DMD: variants seen among roughly 807,000 people sequenced by gnomAD.
DMD encodes dystrophin, also known as mutant dystrophin.
DMD carries 63 observed loss-of-function variants against 330.1 expected under a neutral mutation model. The ratio of observed to expected loss-of-function variants is 0.19; its 90% confidence interval spans 0.16 to 0.24. The LOEUF is 0.24. Ranked by LOEUF, DMD falls within the 10% of genes least tolerant of loss-of-function variation. The pLI, the probability that DMD is intolerant of heterozygous loss-of-function variation, is 1.00. For missense variants in DMD, 3,344 were observed against 2,684.1 expected, an observed-to-expected ratio of 1.25 and a Z score of -5.43; for synonymous variants, 1,223 against 959.8, an observed-to-expected ratio of 1.27 and a Z score of -5.07.
intron 41 of DMD, among the ~76,000 whole-genome samples, chrX:32,325,175 CTAAACTA>C (rs2097644689): frequency 9.0e-6 from 1 of 110,685 alleles, no homozygotes; most frequent in Admixed American, 9.7e-5. Context: ...ATATCTAAGA[CTAAACTA>C]TAGACTTTTT....
At chrX:33,075,393 C>G (rs1343503255) in intron 1 of DMD, among the ~76,000 whole-genome samples, 1 of 111,853 alleles carries the variant, frequency 8.9e-6, no homozygotes, top group African/African-American at 3.3e-5. Context: ...AATAGTAAAA[C>G]TCTGATCTTC....
chrX:31,821,386 C>A (rs189558604), intron 49 of DMD, among the ~76,000 whole-genome samples: 382 of 112,275 alleles, frequency 3.4e-3, no homozygotes, highest in African/African-American at 0.012. Context: ...TCTATTACAC[C>A]TAATCAGTTA....
chrX:32,368,157 C>G (rs991239712), intron 34 of DMD, among the ~76,000 whole-genome samples: 1 of 111,546 alleles, frequency 9.0e-6, no homozygotes, highest in African/African-American at 3.3e-5. Context: ...TACTAATTGA[C>G]CAATGTATAT....
chrX:32,983,730 T>C (rs2092771160), intron 2 of DMD, among the ~76,000 whole-genome samples: 1 of 111,810 alleles, frequency 8.9e-6, no homozygotes, highest in African/African-American at 3.2e-5. Context: ...TTATTAACTG[T>C]ATATGTATCT....
intron 60 of DMD, among the ~76,000 whole-genome samples, chrX:31,426,134 T>A (rs1462875487): frequency 9.1e-6 from 1 of 109,876 alleles, no homozygotes; most frequent in Non-Finnish European, 1.9e-5. Flanking sequence ...ATGTCTCTAT[T>A]ATTTCTAATG....
chrX:33,122,816 C>G (rs1259820590), intron 1 of DMD, among the ~76,000 whole-genome samples: 1 of 111,761 alleles, frequency 8.9e-6, no homozygotes, highest in Non-Finnish European at 1.9e-5. Flanking sequence ...TTCTCTCCCT[C>G]TCTCAACTGT....
At chrX:31,239,182 G>A (rs1190830675) in intron 63 of DMD, among the ~76,000 whole-genome samples, 2 of 111,600 alleles carry the variant, frequency 1.8e-5, no homozygotes, top group Non-Finnish European at 3.8e-5. Context: ...AACAGAGCCC[G>A]AGGGTAAGTT....
intron 44 of DMD, among the ~76,000 whole-genome samples, chrX:31,991,788 A>G (rs925439402): frequency 5.5e-5 from 6 of 109,705 alleles, no homozygotes; most frequent in Non-Finnish European, 1.1e-4. Context: ...GAAGGGGAAT[A>G]TCGCAGTGGT....
In DMD at chrX:32,802,866, C is replaced by T. The variant is rs1303231673; in HGVS notation, c.649+6627G>A. Among the ~76,000 whole-genome samples the T allele has an allele frequency of 5.4e-5, 6 of 111,654 alleles. No individual in the cohort carries two copies. In the South Asian group the frequency reaches 1.5e-3, roughly 28 times the overall value. On this transcript the variant is annotated intron_variant, in intron 7 of 78. Coordinates refer to ENST00000357033, the MANE Select transcript of DMD (RefSeq NM_004006.3). Reference sequence around the variant, plus strand: ...AACCTTTTTGATGTGCTGCTGGATTCGGTTTGCCAGTATTTTATTGAGCCT... The same window carrying T: ...AACCTTTTTGATGTGCTGCTGGATTTGGTTTGCCAGTATTTTATTGAGCCT...
At chrX:32,492,762 A>G (rs1234008761) in intron 19 of DMD, among the ~76,000 whole-genome samples, 1 of 112,438 alleles carries the variant, frequency 8.9e-6, no homozygotes, top group African/African-American at 3.2e-5. Flanking sequence ...AATATATTAC[A>G]TATGATATCA....
At chrX:32,817,068 G>A (rs72470526) in intron 5 of DMD, among the ~76,000 whole-genome samples, 3,580 of 111,695 alleles carry the variant, frequency 0.032, 35 homozygotes, top group Non-Finnish European at 0.039. Flanking sequence ...TTCAAATTTT[G>A]CCTTTGCTAT....
At chrX:32,418,091 T>C (rs1030523482) in intron 29 of DMD, among the ~76,000 whole-genome samples, 1 of 111,339 alleles carries the variant, frequency 9.0e-6, no homozygotes, top group African/African-American at 3.3e-5. Context: ...AATATGACAT[T>C]GAGATTTTAA....
chrX:32,293,908 G>A (rs1220950566), intron 42 of DMD, among the ~76,000 whole-genome samples: 3 of 111,540 alleles, frequency 2.7e-5, no homozygotes, highest in South Asian at 3.8e-4. Flanking sequence ...GAACTCAAGC[G>A]TATCTCTAGT....
At chrX:31,215,090 C>T (rs1465526820) in intron 64 of DMD, among the ~76,000 whole-genome samples, 4 of 106,404 alleles carry the variant, frequency 3.8e-5, no homozygotes, top group Admixed American at 1.0e-4. Flanking sequence ...TACAGTCGCT[C>T]GCCATCACGC....
intron 3 of DMD, among the ~76,000 whole-genome samples, chrX:32,848,695 A>C (rs1036038668): frequency 3.6e-5 from 4 of 111,340 alleles, no homozygotes; most frequent in African/African-American, 1.3e-4. Flanking sequence ...ACAAGACAAA[A>C]ATGGGCCTTC....
rs1158474339 is a variant in DMD at position 32,287,521 on chromosome X, T to C, written c.6290+8A>G. 1 of 1,207,033 alleles carries C rather than the reference T, an allele frequency of 8.3e-7. No individual in the cohort carries two copies. On this transcript the variant is annotated splice_region_variant and intron_variant, in intron 43 of 78. Transcript: ENST00000357033. ...GCAAGTATCAAGAAAAATATATGTG[T>C]TACCTACCCTTGTCGGTCCTTGTAC...
rs2093586851 is a variant in DMD at position 33,009,644 on chromosome X, A to ATATGTGTG, written c.93+10487_93+10494dup. ...TGTATGTGTGTATGTGTATATACAC[A>ATATGTGTG]TATGTGTGTATACGTGTATATGTGT... On this transcript the variant is annotated intron_variant, in intron 2 of 78. Transcript: ENST00000357033. Among the ~76,000 whole-genome samples the ATATGTGTG allele has an allele frequency of 6.8e-4, 40 of 59,245 alleles. 20 individuals carry two copies. The highest frequency in any genetic ancestry group is 6.0e-3 in the East Asian group (8 of 1,336). The allele number at this position is 59,245 out of a possible 115,157, so 51.4% of individuals were successfully genotyped here. A position where few individuals can be genotyped will look rare whatever the true frequency, so the allele number is the denominator to read the frequency against.
chrX:31,262,881 G>A (rs900450105), intron 62 of DMD, among the ~76,000 whole-genome samples: 3 of 112,598 alleles, frequency 2.7e-5, no homozygotes, highest in East Asian at 5.6e-4. Context: ...TTCTCAGCTC[G>A]GAAAGTGAGT....
intron 44 of DMD, among the ~76,000 whole-genome samples, chrX:32,059,463 T>C (rs2096206919): frequency 9.0e-6 from 1 of 111,418 alleles, no homozygotes; most frequent in South Asian, 3.8e-4. Flanking sequence ...AAGGCAACAA[T>C]ATAAGATGTA....
Sources: allele counts gnomAD v4.1 joint callset (sites outside exome capture counted in the v4.1 genomes callset), GRCh38; gene constraint gnomAD v4.1.1; transcripts MANE v1.5; gene names NCBI Gene and HGNC (gene_info 2026-07-23, HGNC 2026-07-21).